The following STK32C variants were observed in gnomAD, a reference collection of about 807,000 sequenced individuals.
STK32C encodes serine/threonine-protein kinase 32C.
A neutral mutation model predicts 56.5 loss-of-function variants in STK32C; 31 were observed. The ratio of observed to expected loss-of-function variants is 0.55; its 90% CI spans 0.41 to 0.74. STK32C has a LOEUF of 0.74. Ranked by LOEUF, STK32C falls within the 30% of genes least tolerant of loss-of-function variation. The pLI is 0.00. For missense variants in STK32C, 544 were observed against 676.9 expected (o/e 0.80, Z 2.18); for synonymous variants, 309 against 289.4 (o/e 1.07, Z -0.69).
Position 132,224,425 on chromosome 10 carries a change from C to G in STK32C, c.975G>C (p.Met325Ile). The G allele has an allele frequency of 6.4e-7, 1 of 1,553,854 alleles. No individual in the cohort carries two copies. Among genetic ancestry groups the G allele is most frequent in the East Asian group, 2.4e-5 (1 of 41,276 alleles). Residue 325 changes from methionine (M) to isoleucine (I), a missense_variant, in exon 8 of 12, where the codon ATG (methionine) becomes ATC (isoleucine). Around this residue, in one of 3 missense-constraint regions of STK32C, gnomAD observed 277 missense variants for 309.3 expected, o/e 0.90. Coordinates refer to ENST00000298630, the MANE Select transcript of STK32C (RefSeq NM_173575.4). ...VQYVPTWSKE[M>I]VALLRKLLTV... is the part of the protein sequence containing the mutation. ...GGCTCACCTTCCGCAGCAAGGCCAC[C>G]ATCTCCTTGGACCACGTGGGGACAT... is the stretch of plus-strand genomic sequence containing the variant.
intron 1 of STK32C, among the ~76,000 whole-genome samples, chr10:132,253,524 C>T (rs1220177909): frequency 2.0e-4 from 20 of 101,296 alleles, no homozygotes; most frequent in East Asian, 5.9e-4. Context: ...GCTGAGGGAG[C>T]CGGAGGGAGC....
intron 1 of STK32C, among the ~76,000 whole-genome samples, chr10:132,287,641 C>T (rs1564780095): frequency 1.3e-5 from 2 of 151,594 alleles, no homozygotes; most frequent in African/African-American, 2.4e-5. Context: ...TTAGTAGAGA[C>T]GGGGTTTCAC....
chr10:132,258,577 A>T (rs540589715), intron 1 of STK32C, among the ~76,000 whole-genome samples: 1 of 152,232 alleles, frequency 6.6e-6, no homozygotes, highest in Non-Finnish European at 1.5e-5. Context: ...GCCAGCGCGC[A>T]GGCCTTCCTC....
At chr10:132,292,542 C>A (rs2065600649) in intron 1 of STK32C, among the ~76,000 whole-genome samples, 1 of 152,216 alleles carries the variant, frequency 6.6e-6, no homozygotes, top group Non-Finnish European at 1.5e-5. Flanking sequence ...CACGCATGCA[C>A]ACACTCACAT....
intron 1 of STK32C, among the ~76,000 whole-genome samples, chr10:132,329,071 CA>C (rs2066572105): frequency 6.6e-6 from 1 of 152,236 alleles, no homozygotes; most frequent in Non-Finnish European, 1.5e-5. Flanking sequence ...AAATTCCGCC[CA>C]GGGGAGATGA....
chr10:132,322,863 T>G (rs947555873), downstream of STK32C, among the ~76,000 whole-genome samples: 6 of 151,676 alleles, frequency 4.0e-5, no homozygotes, highest in Admixed American at 2.6e-4. Flanking sequence ...TCAGCCCCAT[T>G]CTCTCTGGCC....
At chr10:132,223,550 C>G (rs751036264) in intron 8 of STK32C, among the ~76,000 whole-genome samples, 2 of 152,260 alleles carry the variant, frequency 1.3e-5, no homozygotes, top group Non-Finnish European at 2.9e-5. Flanking sequence ...CGCAGGCCCT[C>G]TCTAGCCCAG....
At chr10:132,251,425 C>T (rs113661631) in intron 1 of STK32C, among the ~76,000 whole-genome samples, 192 of 152,234 alleles carry the variant, frequency 1.3e-3, no homozygotes, top group African/African-American at 4.4e-3. Context: ...TGATCTGGGC[C>T]TCAGAGGGGA....
chr10:132,228,262 C>T, intron 2 of STK32C, 134 bp from the exon 3 acceptor site: 1 of 1,075,802 alleles, frequency 9.3e-7, no homozygotes, highest in Admixed American at 1.8e-5. Flanking sequence ...CGCCGCAGCC[C>T]CTCTGCCTCC....
intron 7 of STK32C, 23 bp downstream of exon 7, chr10:132,225,210 C>G: frequency 1.9e-6 from 3 of 1,569,682 alleles, no homozygotes; most frequent in Non-Finnish European, 2.6e-6. Context: ...CAGCCAAGCC[C>G]AGGGGCTGCA....
At chr10:132,331,640 A>G in exon 1 of STK32C, 1 of 1,612,842 alleles carries the variant, frequency 6.2e-7, no homozygotes, top group Non-Finnish European at 8.5e-7. Flanking sequence ...GGACCGCTCC[A>G]AAGGTGGTGC....
At chr10:132,277,445 C>T (rs2065026527) in intron 1 of STK32C, among the ~76,000 whole-genome samples, 1 of 152,250 alleles carries the variant, frequency 6.6e-6, no homozygotes, top group African/African-American at 2.4e-5. Context: ...TATCCACTGA[C>T]CAGTTTCCTT....
chr10:132,263,356 A>C (rs1332377762), intron 1 of STK32C, among the ~76,000 whole-genome samples: 2 of 152,136 alleles, frequency 1.3e-5, no homozygotes, highest in Non-Finnish European at 2.9e-5. Flanking sequence ...ACTCAATACC[A>C]CATGTCCTCA....
At chr10:132,314,412 C>T (rs2066278180) in intron 1 of STK32C, among the ~76,000 whole-genome samples, 1 of 152,058 alleles carries the variant, frequency 6.6e-6, no homozygotes, top group African/African-American at 2.4e-5. Flanking sequence ...AACGAGCCAA[C>T]AGAGGAGATA....
intron 1 of STK32C, among the ~76,000 whole-genome samples, chr10:132,303,578 C>T (rs1037697411): frequency 2.0e-5 from 3 of 152,182 alleles, no homozygotes; most frequent in Admixed American, 2.0e-4. Context: ...GCTGCCATCC[C>T]ACAGGACACA....
upstream of STK32C, chr10:132,332,138 C>G (rs2066799055): frequency 5.7e-6 from 1 of 176,520 alleles, no homozygotes; most frequent in Non-Finnish European, 1.2e-5. Context: ...AGCGTGGCGC[C>G]TGCGGGATTC....
At chr10:132,227,365 T>C (rs1426635210) in intron 3 of STK32C, among the ~76,000 whole-genome samples, 2 of 152,206 alleles carry the variant, frequency 1.3e-5, no homozygotes, top group African/African-American at 2.4e-5. Context: ...CTTGACAGTG[T>C]TGGGCAAAGA....
At position 132,208,073 on chromosome 10, in the gene STK32C, G is replaced by C; in HGVS notation, c.1398C>G (p.Asp466Glu). ...ESRDAAEPVE[D>E]EAERSALPMC... ...TGGGCAGGGCGGAGCGTTCCGCCTC[G>C]TCCTCCACAGGCTCCGCAGCATCCC... Residue 466 changes from aspartate to glutamate, a missense_variant, in exon 12 of 12, where the codon GAC becomes GAG. Physicochemically the swap from Asp to Glu is conservative, Grantham distance 45. Transcript: ENST00000298630. The C allele has an allele frequency of 1.5e-6, 2 of 1,310,930 alleles. No homozygotes were observed. The highest frequency in any genetic ancestry group is 3.0e-5 in the African/African-American group (2 of 66,518). The allele number at this position is 1,310,930 out of a possible 1,614,324, so 81.2% of individuals were successfully genotyped here. A position where few individuals can be genotyped will look rare whatever the true frequency, so the allele number is the denominator to read the frequency against.
chr10:132,283,558 T>C (rs1189572171), intron 1 of STK32C, among the ~76,000 whole-genome samples: 1 of 152,164 alleles, frequency 6.6e-6, no homozygotes, highest in African/African-American at 2.4e-5. Context: ...CCGCCCATCT[T>C]CCTCGGCACA....
Sources: gnomAD v4.1 joint callset for allele counts (sites outside exome capture counted in the v4.1 genomes callset) on GRCh38, gnomAD v4.1.1 for gene constraint, gnomAD v4.1.1 regional missense constraint, MANE v1.5 for transcripts, NCBI Gene and HGNC (gene_info 2026-07-23, HGNC 2026-07-21) for gene names.